The following PPP3CB variants were observed in gnomAD, a reference collection of about 807,000 sequenced individuals.
The protein encoded by PPP3CB is protein phosphatase 3 catalytic subunit beta.
In PPP3CB, 8 loss-of-function variants were observed where a neutral mutation model predicts 66.4. The observed-to-expected ratio is 0.12, with a 90% CI of 0.07 to 0.22. PPP3CB has a LOEUF of 0.22. Ranked by LOEUF, PPP3CB falls within the 10% of genes least tolerant of loss-of-function variation. PPP3CB has a pLI of 1.00. For missense variants in PPP3CB, 319 were observed against 642.5 expected (o/e 0.50, Z 5.44); for synonymous variants, 208 against 221.2 (o/e 0.94, Z 0.53).
At chr10:73,493,065 G>A (rs1324454993) in intron 1 of PPP3CB, among the ~76,000 whole-genome samples, 1 of 152,046 alleles carries the variant, frequency 6.6e-6, no homozygotes, top group Non-Finnish European at 1.5e-5. Flanking sequence ...CATGAGGTCA[G>A]GAGTTTGAGA....
At chr10:73,478,417 G>C (rs2056824820) in intron 3 of PPP3CB, 82 bp downstream of exon 3, 1 of 1,291,120 alleles carries the variant, frequency 7.7e-7, no homozygotes, top group South Asian at 1.4e-5. Flanking sequence ...ACCTAACACA[G>C]GTACTTGTGA....
chr10:73,484,755 A>C (rs1425082896), intron 1 of PPP3CB, among the ~76,000 whole-genome samples: 1 of 152,098 alleles, frequency 6.6e-6, no homozygotes, highest in Non-Finnish European at 1.5e-5. Context: ...GAACAACCTA[A>C]AGAGCTACAA....
At chr10:73,470,220 G>A (rs1356541556) in intron 8 of PPP3CB, among the ~76,000 whole-genome samples, 1 of 152,032 alleles carries the variant, frequency 6.6e-6, no homozygotes, top group Non-Finnish European at 1.5e-5. Flanking sequence ...ATCTTCATGG[G>A]GCAGTGATAA....
intron 9 of PPP3CB, among the ~76,000 whole-genome samples, chr10:73,463,095 T>C (rs555733659): frequency 4.4e-4 from 67 of 151,918 alleles, no homozygotes; most frequent in African/African-American, 1.6e-3. Flanking sequence ...TTAATGGCAC[T>C]ATCTTCACCA....
rs774795240 is a variant in PPP3CB at position 73,438,200 on chromosome 10, C to T, written c.*42G>A. The T allele has an allele frequency of 6.3e-7, 1 of 1,585,816 alleles. No homozygotes were observed. The highest frequency in any genetic ancestry group is 8.6e-7 in the Non-Finnish European group (1 of 1,159,588). On this transcript the variant is annotated 3_prime_UTR_variant, in exon 14 of 14. Coordinates refer to ENST00000360663, the MANE Select transcript of PPP3CB (RefSeq NM_021132.4). ...CCTCCAGCTCCTCGGGTGATCTGTC[C>T]ATTTGGGGCCCGAGATGTGAGAGTC...
Position 73,454,393 on chromosome 10 carries a change from G to T in PPP3CB, c.1186+19C>A. The T allele has an allele frequency of 6.4e-7, 1 of 1,568,160 alleles. No individual in the cohort carries two copies. The highest frequency in any genetic ancestry group is 8.7e-7 in the Non-Finnish European group (1 of 1,144,918). On this transcript the variant is annotated intron_variant, in intron 10 of 13. Transcript: ENST00000360663. Reference sequence around the variant, plus strand: ...CCATTTCACAGTAAAAAAAAAAATAGTAAGATGAATAATCATACCATCAAA... The same window carrying T: ...CCATTTCACAGTAAAAAAAAAAATATTAAGATGAATAATCATACCATCAAA...
At chr10:73,478,907 G>A (rs1306615789) in intron 2 of PPP3CB, among the ~76,000 whole-genome samples, 2 of 152,180 alleles carry the variant, frequency 1.3e-5, no homozygotes, top group African/African-American at 2.4e-5. Flanking sequence ...TGTGTTTTAA[G>A]TTTCAAGATG....
At chr10:73,472,623 A>ATTTTTTATTTTTTTTTTTG (rs2056721978) in intron 4 of PPP3CB, among the ~76,000 whole-genome samples, 1 of 152,088 alleles carries the variant, frequency 6.6e-6, no homozygotes, top group African/African-American at 2.4e-5. Context: ...ATTTTATTCT[A>ATTTTTTATTTTTTTTTTTG]AGAGTCAATG....
intron 11 of PPP3CB, among the ~76,000 whole-genome samples, chr10:73,445,373 C>A (rs1317712414): frequency 6.6e-6 from 1 of 152,206 alleles, no homozygotes; most frequent in Non-Finnish European, 1.5e-5. Flanking sequence ...CAAAGATGAG[C>A]AATAACAATC....
intron 1 of PPP3CB, among the ~76,000 whole-genome samples, chr10:73,489,304 C>A (rs1262162488): frequency 6.6e-6 from 1 of 152,054 alleles, no homozygotes; most frequent in Non-Finnish European, 1.5e-5. Context: ...AATTAGACAA[C>A]CTGCTTTAAG....
At chr10:73,443,920 G>C (rs1013109048) in intron 12 of PPP3CB, 1 of 152,220 alleles carries the variant, frequency 6.6e-6, no homozygotes, top group South Asian at 2.1e-4. Flanking sequence ...TTACATTCAT[G>C]TTCAGAATGC....
intron 12 of PPP3CB, among the ~76,000 whole-genome samples, chr10:73,441,319 G>A (rs993705028): frequency 2.6e-5 from 4 of 152,096 alleles, no homozygotes; most frequent in East Asian, 3.9e-4. Flanking sequence ...ATTACAAATC[G>A]GGCAGGACAT....
chr10:73,474,461 C>T (rs987289133), intron 4 of PPP3CB, among the ~76,000 whole-genome samples: 1 of 151,794 alleles, frequency 6.6e-6, no homozygotes, highest in South Asian at 2.1e-4. Flanking sequence ...CAGGGTCTGA[C>T]TCTATTGCCC....
At chr10:73,491,345 A>C (rs1222820246) in intron 1 of PPP3CB, among the ~76,000 whole-genome samples, 1 of 150,842 alleles carries the variant, frequency 6.6e-6, no homozygotes, top group African/African-American at 2.4e-5. Flanking sequence ...TTGTATTTTT[A>C]GTAGAGATGG....
rs144553064 is a variant in PPP3CB at position 73,455,305 on chromosome 10, A to G, written c.1109-816T>C. Among the ~76,000 whole-genome samples the G allele has an allele frequency of 2.3e-3, 352 of 152,188 alleles. 2 individuals carry two copies. The highest frequency in any genetic ancestry group is 3.8e-3 in the Non-Finnish European group (258 of 68,002). On this transcript the variant is annotated intron_variant, in intron 9 of 13. Coordinates refer to ENST00000360663, the MANE Select transcript of PPP3CB (RefSeq NM_021132.4). ...GCTTAATCCTCTTTGACTATTCTGTATATTTTTTTCCTTCTCTTTTCCCTT... is the reference window on the plus strand; with the variant it reads ...GCTTAATCCTCTTTGACTATTCTGTGTATTTTTTTCCTTCTCTTTTCCCTT...
intron 8 of PPP3CB, among the ~76,000 whole-genome samples, chr10:73,470,222 C>A (rs2056681444): frequency 6.6e-6 from 1 of 151,790 alleles, no homozygotes; most frequent in Non-Finnish European, 1.5e-5. Context: ...CTTCATGGGG[C>A]AGTGATAAGA....
At chr10:73,457,019 G>A (rs1388761783) in intron 9 of PPP3CB, among the ~76,000 whole-genome samples, 1 of 151,712 alleles carries the variant, frequency 6.6e-6, no homozygotes, top group Non-Finnish European at 1.5e-5. Flanking sequence ...TTAAATAGAT[G>A]AATTGCATAG....
At chr10:73,489,884 T>C (rs2057044370) in intron 1 of PPP3CB, among the ~76,000 whole-genome samples, 1 of 152,178 alleles carries the variant, frequency 6.6e-6, no homozygotes, top group Admixed American at 6.5e-5. Flanking sequence ...CTGGTGAAAT[T>C]CTACTCATCC....
In PPP3CB at chr10:73,437,492, C is replaced by T. The variant is rs767858767; in HGVS notation, c.*750G>A. ...CAATGTACAAACTTCTTTTAAAGTA[C>T]CTTAAATGAGTAATTCTGTAATTCT... On this transcript the variant is annotated 3_prime_UTR_variant, in exon 14 of 14. Coordinates refer to ENST00000360663, the MANE Select transcript of PPP3CB (RefSeq NM_021132.4). 2.0e-5 allele frequency: 3 copies of T among 152,522 alleles called. No individual in the cohort carries two copies. The highest frequency in any genetic ancestry group is 2.0e-4 in the Admixed American group (3 of 15,264). 9.4% of individuals were successfully genotyped at this position (152,522 alleles called of 1,614,324 possible). A position where few individuals can be genotyped will look rare whatever the true frequency, so the allele number is the denominator to read the frequency against.
Sources: allele counts gnomAD v4.1 joint callset (sites outside exome capture counted in the v4.1 genomes callset), GRCh38; gene constraint gnomAD v4.1.1; transcripts MANE v1.5; gene names NCBI Gene and HGNC (gene_info 2026-07-23, HGNC 2026-07-21).